The following ROBO2 variants were observed in gnomAD, a reference collection of about 807,000 sequenced individuals.
ROBO2 encodes roundabout guidance receptor 2.
A neutral mutation model predicts 160.8 loss-of-function variants in ROBO2; 53 were observed. That is an observed-to-expected ratio of 0.33 (90% confidence interval 0.26 to 0.41). The LOEUF (loss-of-function observed/expected upper bound fraction) is 0.41, where lower values mean the gene tolerates loss of function less well. Ranked by LOEUF, ROBO2 falls within the 10% of genes least tolerant of loss-of-function variation. The pLI is 1.00. For synonymous variants in ROBO2, 664 were observed against 611.7 expected (o/e 1.09, Z -1.26); for missense variants, 1,577 against 1,722.4 (o/e 0.92, Z 1.49).
intron 2 of ROBO2, among the ~76,000 whole-genome samples, chr3:76,210,260 T>C (rs532976164): frequency 1.3e-5 from 2 of 152,248 alleles, no homozygotes; most frequent in African/African-American, 4.8e-5. Flanking sequence ...AGGAATCTTG[T>C]ATTTGACCCT....
intron 2 of ROBO2, among the ~76,000 whole-genome samples, chr3:76,591,245 ATACT>A (rs1225137477): frequency 3.3e-5 from 5 of 152,156 alleles, no homozygotes; most frequent in Admixed American, 1.3e-4. Flanking sequence ...AAGAGAAAAC[ATACT>A]TACTATTCAT....
At chr3:76,076,877 T>C (rs147557801) in intron 2 of ROBO2, among the ~76,000 whole-genome samples, 2 of 152,358 alleles carry the variant, frequency 1.3e-5, no homozygotes, top group African/African-American at 4.8e-5. Flanking sequence ...TTAACTGTTG[T>C]ACTGTCGAAC....
At chr3:77,067,877 T>C (rs2067026824) in intron 1 of ROBO2, among the ~76,000 whole-genome samples, 1 of 152,164 alleles carries the variant, frequency 6.6e-6, no homozygotes, top group Non-Finnish European at 1.5e-5. Context: ...CTGAGGATGT[T>C]TCAGAACTTT....
At chr3:76,085,337 G>A (rs780032247) in intron 2 of ROBO2, among the ~76,000 whole-genome samples, 15 of 151,896 alleles carry the variant, frequency 9.9e-5, no homozygotes, top group East Asian at 1.9e-4. Flanking sequence ...GTGTTCTTTC[G>A]TTGACCTGAT....
At chr3:75,959,888 G>T (rs558333212) in intron 2 of ROBO2, among the ~76,000 whole-genome samples, 1 of 151,798 alleles carries the variant, frequency 6.6e-6, no homozygotes, top group African/African-American at 2.4e-5. Context: ...TCAATTATGT[G>T]TATAGCAGTT....
intron 2 of ROBO2, among the ~76,000 whole-genome samples, chr3:76,369,012 T>C (rs1338998697): frequency 6.6e-6 from 1 of 151,960 alleles, no homozygotes; most frequent in African/African-American, 2.4e-5. Flanking sequence ...TTCCCTTGAC[T>C]CCGTAGGACT....
chr3:76,247,811 C>T (rs1705712499), intron 2 of ROBO2, among the ~76,000 whole-genome samples: 2 of 151,626 alleles, frequency 1.3e-5, no homozygotes, highest in Admixed American at 1.3e-4. Context: ...AAAAACAACC[C>T]CATCAAAAAG....
intron 1 of ROBO2, among the ~76,000 whole-genome samples, chr3:77,068,066 T>A (rs530701451): frequency 7.2e-5 from 11 of 152,126 alleles, no homozygotes; most frequent in Non-Finnish European, 1.6e-4. Context: ...GTTCTCAAAA[T>A]GCTTAGAAGT....
chr3:77,353,106 A>AGTGTT (rs2068577836), intron 2 of ROBO2, among the ~76,000 whole-genome samples: 1 of 152,190 alleles, frequency 6.6e-6, no homozygotes, highest in African/African-American at 2.4e-5. Context: ...CATAGTTTAA[A>AGTGTT]AATTTATTTT....
chr3:76,641,831 G>A (rs1251524992), intron 2 of ROBO2, among the ~76,000 whole-genome samples: 5 of 152,068 alleles, frequency 3.3e-5, no homozygotes, highest in South Asian at 2.1e-4. Context: ...TTAAACTCCC[G>A]GACTTAGGCC....
At chr3:77,643,065 T>A (rs2095370920) in intron 24 of ROBO2, 122 bp downstream of exon 26, 1 of 386,998 alleles carries the variant, frequency 2.6e-6, no homozygotes, top group South Asian at 1.9e-5. Context: ...CGTAATGGAA[T>A]TTGGAATTCC....
At chr3:77,427,024 A>G (rs2078280196) in intron 2 of ROBO2, among the ~76,000 whole-genome samples, 1 of 150,508 alleles carries the variant, frequency 6.6e-6, no homozygotes, top group African/African-American at 2.5e-5. Flanking sequence ...TTTTAATTTA[A>G]CATTGAGCTG....
At chr3:76,401,202 C>A (rs2077795287) in intron 2 of ROBO2, among the ~76,000 whole-genome samples, 1 of 151,180 alleles carries the variant, frequency 6.6e-6, no homozygotes, top group Admixed American at 6.6e-5. Context: ...GTCAACATTG[C>A]AAGAAAAAAA....
intron 2 of ROBO2, among the ~76,000 whole-genome samples, chr3:76,447,138 C>T (rs780232611): frequency 6.6e-5 from 10 of 152,140 alleles, no homozygotes; most frequent in Non-Finnish European, 1.3e-4. Flanking sequence ...TTGCAATCTA[C>T]TCATCTGACA....
At chr3:76,723,367 T>G (rs13083791) in intron 2 of ROBO2, among the ~76,000 whole-genome samples, 51,171 of 152,064 alleles carry the variant, frequency 0.34, 10,049 homozygotes, top group Non-Finnish European at 0.44. Flanking sequence ...AAAATATGAG[T>G]AGTGCACCAT....
At chr3:77,536,638 G>A (rs966098466) in intron 6 of ROBO2, among the ~76,000 whole-genome samples, 1 of 152,086 alleles carries the variant, frequency 6.6e-6, no homozygotes, top group African/African-American at 2.4e-5. Context: ...CTTGTGGTAG[G>A]AGGTGACTTC....
At chr3:76,640,594 TGA>T (rs879705937) in intron 2 of ROBO2, among the ~76,000 whole-genome samples, 1,667 of 74,586 alleles carry the variant, frequency 0.022, 13 homozygotes, top group Non-Finnish European at 0.03. Flanking sequence ...TGTTTGCGTG[TGA>T]GTGTGTGTGT....
chr3:75,914,995 A>G (rs1946750923), intron 1 of ROBO2, among the ~76,000 whole-genome samples: 5 of 152,218 alleles, frequency 3.3e-5, no homozygotes, highest in Admixed American at 2.0e-4. Context: ...TGACTGTGGA[A>G]ACAAGTGTGT....
chr3:77,482,024 A>G (rs1276900651), intron 4 of ROBO2, among the ~76,000 whole-genome samples: 2 of 152,214 alleles, frequency 1.3e-5, no homozygotes, highest in African/African-American at 4.8e-5. Flanking sequence ...AATACATTCT[A>G]TTTAAATTCT....
Sources: gnomAD v4.1 joint callset for allele counts (sites outside exome capture counted in the v4.1 genomes callset) on GRCh38, gnomAD v4.1.1 for gene constraint, MANE v1.5 for transcripts, NCBI Gene and HGNC (gene_info 2026-07-23, HGNC 2026-07-21) for gene names.